The following DOCK5 variants were observed in gnomAD, a reference collection of about 807,000 sequenced individuals.
DOCK5 encodes dedicator of cytokinesis protein 5.
Under a neutral mutation model 251.8 loss-of-function variants are expected in DOCK5, and 142 were observed. The observed-to-expected ratio is 0.56, with a 90% CI of 0.49 to 0.65. The LOEUF is 0.65. Among genes scored for constraint, DOCK5 ranks in the 30% least tolerant of loss-of-function variants. The pLI is 0.00. For missense variants in DOCK5, 2,111 were observed against 2,312.3 expected (o/e 0.91, Z 1.79); for synonymous variants, 842 against 835.5 (o/e 1.01, Z -0.13).
intron 1 of DOCK5, among the ~76,000 whole-genome samples, chr8:25,224,997 A>G (rs183844054): frequency 3.9e-5 from 6 of 152,368 alleles, no homozygotes; most frequent in East Asian, 1.9e-4. Flanking sequence ...GATTCTCAGC[A>G]CCACTAAGCA....
intron 1 of DOCK5, among the ~76,000 whole-genome samples, chr8:25,186,257 T>C (rs1343283823): frequency 6.6e-6 from 1 of 152,112 alleles, no homozygotes; most frequent in Non-Finnish European, 1.5e-5. Context: ...AAAGACATTT[T>C]CTTTTTTGCT....
intron 1 of DOCK5, among the ~76,000 whole-genome samples, chr8:25,191,641 C>T (rs1291522730): frequency 6.6e-6 from 1 of 152,090 alleles, no homozygotes. Flanking sequence ...TTCATTAAAT[C>T]ATTGTGGCAG....
chr8:25,262,601 A>G (rs1803619481), intron 2 of DOCK5, among the ~76,000 whole-genome samples: 1 of 152,222 alleles, frequency 6.6e-6, no homozygotes, highest in Non-Finnish European at 1.5e-5. Flanking sequence ...TACAAGGTTT[A>G]TAACGAAAAA....
intron 3 of DOCK5, among the ~76,000 whole-genome samples, chr8:25,272,124 G>A (rs922122992): frequency 9.9e-5 from 15 of 152,094 alleles, no homozygotes; most frequent in African/African-American, 3.4e-4. Flanking sequence ...GACCTTCTGG[G>A]CTCAAGCAAT....
intron 1 of DOCK5, among the ~76,000 whole-genome samples, chr8:25,191,089 C>T (rs1801572387): frequency 6.6e-6 from 1 of 152,134 alleles, no homozygotes; most frequent in African/African-American, 2.4e-5. Context: ...GAGAACTTCT[C>T]TTGTGAGGTA....
chr8:25,402,637 T>G (rs757214842), intron 47 of DOCK5, among the ~76,000 whole-genome samples: 1 of 151,400 alleles, frequency 6.6e-6, no homozygotes, highest in Non-Finnish European at 1.5e-5. Flanking sequence ...AGAGATAGAG[T>G]CTCCCTATGT....
Position 25,387,377 on chromosome 8 carries a change from A to C in DOCK5, c.4132-1714A>C, listed in dbSNP as rs1567125. On this transcript the variant is annotated intron_variant, in intron 40 of 51. Coordinates refer to ENST00000276440, the MANE Select transcript of DOCK5 (RefSeq NM_024940.8). ...TATTTTTTCTTAGATATGGGGTCTC[A>C]CTATCTTGCCCAGGCTCAAGACCAG... 3.1e-4 allele frequency among the ~76,000 whole-genome samples: 47 copies of C among 152,154 alleles called. No homozygotes were observed. In the South Asian group the frequency reaches 9.8e-3, roughly 32 times the overall value.
At chr8:25,239,819 C>A (rs958658725) in intron 1 of DOCK5, among the ~76,000 whole-genome samples, 7 of 152,150 alleles carry the variant, frequency 4.6e-5, no homozygotes, top group Non-Finnish European at 8.8e-5. Flanking sequence ...TCCATAAGCT[C>A]AATAGTAAAA....
At chr8:25,242,328 G>A (rs1218899175) in intron 1 of DOCK5, among the ~76,000 whole-genome samples, 1 of 152,020 alleles carries the variant, frequency 6.6e-6, no homozygotes, top group Non-Finnish European at 1.5e-5. Flanking sequence ...TCTCTTTGTA[G>A]GTACCTAGGA....
chr8:25,359,753 CTT>C (rs1800643444), intron 28 of DOCK5, among the ~76,000 whole-genome samples: 1 of 152,246 alleles, frequency 6.6e-6, no homozygotes, highest in Non-Finnish European at 1.5e-5. Flanking sequence ...GAAAAATTGT[CTT>C]TCCTGAAACC....
At chr8:25,302,579 A>G (rs1804794566) in intron 10 of DOCK5, 125 bp downstream of exon 10, 2 of 1,285,872 alleles carry the variant, frequency 1.6e-6, no homozygotes, top group Non-Finnish European at 2.1e-6. Flanking sequence ...AAAACAATCA[A>G]AAGCAAGGTC....
chr8:25,283,626 C>T (rs930310648), intron 5 of DOCK5, among the ~76,000 whole-genome samples: 1 of 76,390 alleles, frequency 1.3e-5, no homozygotes, highest in Non-Finnish European at 4.7e-5. Flanking sequence ...GGCATAGCTT[C>T]TCTCTTACCC....
At chr8:25,232,258 G>A (rs1255214072) in intron 1 of DOCK5, among the ~76,000 whole-genome samples, 1 of 107,512 alleles carries the variant, frequency 9.3e-6, no homozygotes, top group South Asian at 2.5e-4. Context: ...ATCCTCTTGG[G>A]AGGATTCTGC....
chr8:25,411,173 T>C, intron 51 of DOCK5, 21 bp from the exon 52 acceptor site: 2 of 1,532,714 alleles, frequency 1.3e-6, no homozygotes, highest in Non-Finnish European at 1.8e-6. Context: ...TGCTTCTAAT[T>C]TTGTGTTTCT....
chr8:25,223,925 A>G (rs1802454563), intron 1 of DOCK5, among the ~76,000 whole-genome samples: 1 of 152,150 alleles, frequency 6.6e-6, no homozygotes, highest in African/African-American at 2.4e-5. Flanking sequence ...CATGCTTTGT[A>G]CTATTTTGTA....
intron 40 of DOCK5, among the ~76,000 whole-genome samples, chr8:25,388,355 T>C (rs772289997): frequency 6.6e-6 from 1 of 152,208 alleles, no homozygotes; most frequent in Non-Finnish European, 1.5e-5. Flanking sequence ...AAACTGCTCA[T>C]TTCAAACATG....
Position 25,403,759 on chromosome 8 carries a change from G to A in DOCK5, c.5093+35G>A, listed in dbSNP as rs369504210. 361 of 1,606,558 alleles carry A rather than the reference G, an allele frequency of 2.2e-4. No individual in the cohort carries two copies. In the African/African-American group the frequency reaches 4.4e-3, roughly 20 times the overall value. Reference sequence around the variant, plus strand: ...TCATCTTTAATCTGCAGGAAGGGTGGGGTAACGCCTTACTAATGTTTGCCT... The same window carrying A: ...TCATCTTTAATCTGCAGGAAGGGTGAGGTAACGCCTTACTAATGTTTGCCT... On this transcript the variant is annotated intron_variant, in intron 48 of 51. Coordinates refer to ENST00000276440, the MANE Select transcript of DOCK5 (RefSeq NM_024940.8).
intron 23 of DOCK5, among the ~76,000 whole-genome samples, 151 bp downstream of exon 23, chr8:25,341,139 GA>G (rs905378246): frequency 1.2e-4 from 18 of 151,558 alleles, no homozygotes; most frequent in Non-Finnish European, 2.1e-4. Context: ...GAAAATAAAG[GA>G]AAAAAAATCC....
chr8:25,190,643 CAT>C (rs1165332088), intron 1 of DOCK5, among the ~76,000 whole-genome samples: 1 of 152,082 alleles, frequency 6.6e-6, no homozygotes, highest in African/African-American at 2.4e-5. Flanking sequence ...CTGAGGATCA[CAT>C]AGCTAATTAG....
Sources: gnomAD v4.1 joint callset for allele counts (sites outside exome capture counted in the v4.1 genomes callset) on GRCh38, gnomAD v4.1.1 for gene constraint, MANE v1.5 for transcripts, NCBI Gene and HGNC (gene_info 2026-07-23, HGNC 2026-07-21) for gene names.